The following ANKS1B variants were observed in gnomAD, a reference collection of about 807,000 sequenced individuals.
ANKS1B encodes ankyrin repeat and sterile alpha motif domain-containing protein 1B.
A neutral mutation model predicts 148.3 loss-of-function variants in ANKS1B; 36 were observed. That is an observed-to-expected ratio of 0.24 (90% CI 0.19 to 0.32). The LOEUF is 0.32. Among genes scored for constraint, ANKS1B ranks in the 10% least tolerant of loss-of-function variants. The pLI is 1.00. For missense variants in ANKS1B, 1,157 were observed against 1,542.6 expected (o/e 0.75, Z 4.19); for synonymous variants, 542 against 560.8 (o/e 0.97, Z 0.47).
intron 17 of ANKS1B, among the ~76,000 whole-genome samples, chr12:98,851,832 T>G (rs2099528347): frequency 6.6e-6 from 1 of 151,858 alleles, no homozygotes; most frequent in Non-Finnish European, 1.5e-5. Flanking sequence ...GAGAGCATCC[T>G]GGCCAACCCA....
intron 1 of ANKS1B, among the ~76,000 whole-genome samples, chr12:99,924,021 A>G (rs10778032): frequency 0.61 from 92,988 of 151,984 alleles, 29,701 homozygotes; most frequent in African/African-American, 0.71. Context: ...ATATTATTTA[A>G]TACTTTGGCA....
chr12:99,547,652 G>A (rs1396203279), intron 9 of ANKS1B, among the ~76,000 whole-genome samples: 1 of 152,158 alleles, frequency 6.6e-6, no homozygotes, highest in African/African-American at 2.4e-5. Context: ...CTACTCAACT[G>A]AGTGGCAAAA....
intron 8 of ANKS1B, among the ~76,000 whole-genome samples, chr12:99,739,744 C>T (rs2059925510): frequency 6.6e-6 from 1 of 152,096 alleles, no homozygotes; most frequent in South Asian, 2.1e-4. Flanking sequence ...TTTTCTCCCC[C>T]TGGAATATTC....
chr12:99,429,130 C>G (rs568606549), intron 11 of ANKS1B, among the ~76,000 whole-genome samples: 1 of 152,116 alleles, frequency 6.6e-6, no homozygotes, highest in African/African-American at 2.4e-5. Context: ...AATGTATACA[C>G]ATTTCAGAAG....
At chr12:99,156,783 G>A (rs188998087) in intron 14 of ANKS1B, among the ~76,000 whole-genome samples, 24 of 152,104 alleles carry the variant, frequency 1.6e-4, no homozygotes, top group African/African-American at 5.3e-4. Context: ...TTCAATTTTA[G>A]TTGTTTGTGT....
At chr12:99,802,435 T>C (rs1045977258) in intron 4 of ANKS1B, among the ~76,000 whole-genome samples, 2 of 152,124 alleles carry the variant, frequency 1.3e-5, no homozygotes, top group Non-Finnish European at 2.9e-5. Flanking sequence ...ATATCTTACT[T>C]TGACTGATTC....
chr12:99,047,054 T>C (rs1277128923), intron 17 of ANKS1B, among the ~76,000 whole-genome samples: 1 of 152,134 alleles, frequency 6.6e-6, no homozygotes, highest in Non-Finnish European at 1.5e-5. Context: ...AATGACCTAA[T>C]ACTGATGTAT....
chr12:99,453,805 A>C (rs1322477733), intron 10 of ANKS1B, among the ~76,000 whole-genome samples: 1 of 152,260 alleles, frequency 6.6e-6, no homozygotes, highest in Non-Finnish European at 1.5e-5. Flanking sequence ...GTTTTGAAGG[A>C]GCTGACTACT....
intron 25 of ANKS1B, 64 bp downstream of exon 25, chr12:98,772,978 T>G: frequency 1.3e-6 from 2 of 1,581,230 alleles, no homozygotes; most frequent in Non-Finnish European, 1.7e-6. Flanking sequence ...TAAGTTGGGC[T>G]TTCAATACAG....
At chr12:99,560,295 C>G (rs1257553640) in intron 9 of ANKS1B, among the ~76,000 whole-genome samples, 4 of 152,016 alleles carry the variant, frequency 2.6e-5, no homozygotes, top group Non-Finnish European at 5.9e-5. Context: ...ACTTGAGTGT[C>G]TGAATACCAC....
chr12:99,309,382 G>A (rs1462938212), intron 12 of ANKS1B, among the ~76,000 whole-genome samples: 1 of 151,418 alleles, frequency 6.6e-6, no homozygotes, highest in African/African-American at 2.4e-5. Flanking sequence ...CCTTTAATCT[G>A]TTGTCATTAA....
chr12:99,833,415 C>A (rs1217039442), intron 1 of ANKS1B, among the ~76,000 whole-genome samples: 1 of 152,058 alleles, frequency 6.6e-6, no homozygotes, highest in Non-Finnish European at 1.5e-5. Context: ...TGAACAAATG[C>A]AGATATAGTG....
intron 17 of ANKS1B, among the ~76,000 whole-genome samples, chr12:98,851,048 T>C (rs201363): frequency 0.89 from 136,044 of 152,258 alleles, 60,806 homozygotes; most frequent in East Asian, 1. Context: ...AGTTCTAAGT[T>C]CCTACTGGCA....
chr12:99,509,311 G>A (rs2096741179), intron 9 of ANKS1B, among the ~76,000 whole-genome samples: 2 of 151,834 alleles, frequency 1.3e-5, no homozygotes, highest in South Asian at 4.1e-4. Context: ...AATGATTAAG[G>A]TTAGTGAAGA....
At position 99,703,733 on chromosome 12, in the gene ANKS1B, A is replaced by G. The variant is rs1322781588; in HGVS notation, c.1129-48523T>C. Among the ~76,000 whole-genome samples, 4 of 152,114 alleles carry G rather than the reference A, an allele frequency of 2.6e-5. No homozygotes were observed. The East Asian group carries it at 7.7e-4, about 29-fold the overall frequency. ...TCATAATTCTGTTTTATAATGATTTATTTACAAATATATCTCATCACTATC... is the reference window on the plus strand; with the variant it reads ...TCATAATTCTGTTTTATAATGATTTGTTTACAAATATATCTCATCACTATC... On this transcript the variant is annotated intron_variant, in intron 8 of 26. Transcript: ENST00000683438.
chr12:99,923,379 A>G (rs150266026), intron 1 of ANKS1B, among the ~76,000 whole-genome samples: 9 of 152,344 alleles, frequency 5.9e-5, no homozygotes, highest in African/African-American at 2.2e-4. Context: ...ACAAGTCTAA[A>G]TCCACGGGAG....
At chr12:98,865,082 AC>A (rs1487766540) in intron 17 of ANKS1B, among the ~76,000 whole-genome samples, 1 of 152,150 alleles carries the variant, frequency 6.6e-6, no homozygotes, top group African/African-American at 2.4e-5. Context: ...ACCAGCCAGT[AC>A]ATATTCATAA....
intron 9 of ANKS1B, among the ~76,000 whole-genome samples, chr12:99,559,874 C>CA (rs1451311474): frequency 3.3e-5 from 5 of 151,810 alleles, no homozygotes; most frequent in South Asian, 4.2e-4. Context: ...AGATAATATC[C>CA]AAAAAATGCA....
intron 12 of ANKS1B, among the ~76,000 whole-genome samples, chr12:99,304,511 C>T (rs1036838649): frequency 3.9e-5 from 6 of 152,106 alleles, no homozygotes; most frequent in Non-Finnish European, 8.8e-5. Flanking sequence ...TCTCAGAGAG[C>T]GTGAGTTAGG....
Sources: gnomAD v4.1 joint callset for allele counts (sites outside exome capture counted in the v4.1 genomes callset) on GRCh38, gnomAD v4.1.1 for gene constraint, MANE v1.5 for transcripts, NCBI Gene and HGNC (gene_info 2026-07-23, HGNC 2026-07-21) for gene names.